LAMP1: variants seen among roughly 807,000 people sequenced by gnomAD.
The protein encoded by LAMP1 is lysosome-associated membrane glycoprotein 1.
Under a neutral mutation model 37.5 loss-of-function variants are expected in LAMP1, and 7 were observed. The ratio of observed to expected loss-of-function variants is 0.19; its 90% CI spans 0.11 to 0.35. The LOEUF (loss-of-function observed/expected upper bound fraction) is 0.35. LAMP1 is among the 10% of genes least tolerant of loss of function. The pLI, the probability that LAMP1 is intolerant of heterozygous loss-of-function variation, is 1.00. For synonymous variants in LAMP1, 236 were observed against 229.1 expected, an observed-to-expected ratio of 1.03 and a Z score of -0.27; for missense variants, 537 against 552.8, an observed-to-expected ratio of 0.97 and a Z score of 0.29.
Position 113,310,881 on chromosome 13 carries a change from C to T in LAMP1, c.562+14C>T, listed in dbSNP as rs772946635. On this transcript the variant is annotated intron_variant, in intron 4 of 8. Coordinates refer to ENST00000332556, the MANE Select transcript of LAMP1 (RefSeq NM_005561.4). ...TCAGCCGGGGAGGTAGGACGCTGAC[C>T]CTTGGCCCTCTGGTGCTAGTGGTTG... 1.9e-6 allele frequency: 3 copies of T among 1,608,874 alleles called. No individual in the cohort carries two copies. The Admixed American group carries it at 5.1e-5, about 27-fold the overall frequency.
Position 113,301,169 on chromosome 13 carries a change from C to G in LAMP1, c.61+3674C>G, listed in dbSNP as rs2042569023. 2.0e-5 allele frequency among the ~76,000 whole-genome samples: 3 copies of G among 152,084 alleles called. No homozygotes were observed. The South Asian group carries it at 6.2e-4, about 31-fold the overall frequency. ...GCAGTGGCTCTCAACCAAACATATG[C>G]ACGGATCCACACGATCAGCTTTTTA... On this transcript the variant is annotated intron_variant, in intron 1 of 8. Transcript: ENST00000332556.
At position 113,316,300 on chromosome 13, in the gene LAMP1, G is replaced by A. The variant is rs564725243; in HGVS notation, c.563-3169G>A. Among the ~76,000 whole-genome samples the A allele has an allele frequency of 7.2e-5, 11 of 152,182 alleles. No homozygotes were observed. The East Asian group carries it at 2.1e-3, about 29-fold the overall frequency. On this transcript the variant is annotated intron_variant, in intron 4 of 8. Transcript: ENST00000332556. Reference sequence around the variant, plus strand: ...TCACCGGGAGGAGTGGGGTGTCTTCGTCTTTTATCCTCAGGGTCTGATAGG... The same window carrying A: ...TCACCGGGAGGAGTGGGGTGTCTTCATCTTTTATCCTCAGGGTCTGATAGG...
chr13:113,298,254 T>G (rs1307959864), intron 1 of LAMP1, among the ~76,000 whole-genome samples: 5 of 152,110 alleles, frequency 3.3e-5, no homozygotes. Context: ...ACCCTTCTCT[T>G]CTGTCAGTTT....
rs1595466140 is a variant in LAMP1 at position 113,322,788 on chromosome 13, C to A, written c.*367C>A. The A allele has an allele frequency of 3.1e-5, 1 of 31,768 alleles. No homozygotes were observed. Among genetic ancestry groups the A allele is most frequent in the Non-Finnish European group, 5.4e-5 (1 of 18,686 alleles). The allele number at this position is 31,768 out of a possible 1,614,324, so 2.0% of individuals were successfully genotyped here. A position where few individuals can be genotyped will look rare whatever the true frequency, so the allele number is the denominator to read the frequency against. Reference sequence around the variant, plus strand: ...TCTGAGGGGGTGGGGGTGCCGCTTTCTCTGAGGGGGTGGGGGTGCCGCTCT... The same window carrying A: ...TCTGAGGGGGTGGGGGTGCCGCTTTATCTGAGGGGGTGGGGGTGCCGCTCT... On this transcript the variant is annotated 3_prime_UTR_variant, in exon 9 of 9. Transcript: ENST00000332556.
intron 1 of LAMP1, among the ~76,000 whole-genome samples, chr13:113,302,398 T>C (rs1207886764): frequency 6.7e-6 from 1 of 149,410 alleles, no homozygotes; most frequent in Non-Finnish European, 1.5e-5. Flanking sequence ...CCATGCTAGC[T>C]AGGCTAGTCT....
At chr13:113,318,647 C>A (rs1288001775) in intron 4 of LAMP1, among the ~76,000 whole-genome samples, 1 of 152,120 alleles carries the variant, frequency 6.6e-6, no homozygotes, top group African/African-American at 2.4e-5. Context: ...GACAGAGTCA[C>A]ATTCAGACTG....
chr13:113,306,674 C>G (rs1219909749), intron 2 of LAMP1, 68 bp downstream of exon 2: 1 of 1,554,280 alleles, frequency 6.4e-7, no homozygotes, highest in African/African-American at 1.4e-5. Context: ...ACATTTCAAC[C>G]AAGTCTTTGA....
chr13:113,322,103 G>A lies in LAMP1; in HGVS notation c.1115-179G>A, dbSNP rs533003159. 109 of 684,550 alleles carry A rather than the reference G, an allele frequency of 1.6e-4. No homozygotes were observed. The South Asian group carries it at 1.9e-3, about 12-fold the overall frequency. 42.4% of individuals were successfully genotyped at this position (684,550 alleles called of 1,614,324 possible). On this transcript the variant is annotated intron_variant, in intron 8 of 8. Transcript: ENST00000332556. ...GAGAGACGTGTGTGGTTTCCTCGCCGTGCAGAGAGCACCAGTCTCTGCAGC... is the reference window on the plus strand; with the variant it reads ...GAGAGACGTGTGTGGTTTCCTCGCCATGCAGAGAGCACCAGTCTCTGCAGC...
Position 113,301,858 on chromosome 13 carries a change from C to CTTTTTTTTTTTTT in LAMP1, c.61+4373_61+4385dup, listed in dbSNP as rs539321614. On this transcript the variant is annotated intron_variant, in intron 1 of 8. Transcript: ENST00000332556. ...GCCAAGAAAAACTAAGATGTGATTT[C>CTTTTTTTTTTTTT]TTTTTTTTTTTTTTTTTTTTTTGAG... Among the ~76,000 whole-genome samples, 50 of 74,316 alleles carry CTTTTTTTTTTTTT rather than the reference C, an allele frequency of 6.7e-4. 2 individuals carry two copies. Among genetic ancestry groups the CTTTTTTTTTTTTT allele is most frequent in the Admixed American group, 4.0e-3 (22 of 5,442 alleles). The allele number at this position is 74,316 out of a possible 152,430, so 48.8% of individuals were successfully genotyped here.
At position 113,319,666 on chromosome 13, in the gene LAMP1, G is replaced by A; in HGVS notation, c.750+10G>A. On this transcript the variant is annotated intron_variant, in intron 5 of 8. Coordinates refer to ENST00000332556, the MANE Select transcript of LAMP1 (RefSeq NM_005561.4). ...GAGGAAGGACAACACGGTAGGGCTG[G>A]GGCCTCACCTGGGAGAGGGGGACGG... The A allele has an allele frequency of 6.2e-7, 1 of 1,605,736 alleles. No individual in the cohort carries two copies. Among genetic ancestry groups the A allele is most frequent in the Non-Finnish European group, 8.5e-7 (1 of 1,176,780 alleles).
intron 8 of LAMP1, 179 bp from the exon 9 acceptor site, chr13:113,322,103 G>T: frequency 1.5e-6 from 1 of 684,550 alleles, no homozygotes; most frequent in Non-Finnish European, 2.4e-6. Context: ...TTTCCTCGCC[G>T]TGCAGAGAGC....
rs1424639783 is a variant in LAMP1 at position 113,322,709 on chromosome 13, TGTCTCTGAGGGGTGGGGGTG to T, written c.*289_*308del. ...CTCTCTGAGGGGGTGGGGGTGCCGC[TGTCTCTGAGGGGTGGGGGTG>T]CCGCTGTCTCTGAGGGGTGGGGGTG... On this transcript the variant is annotated 3_prime_UTR_variant, in exon 9 of 9. Transcript: ENST00000332556. 2 of 110,812 alleles carry T rather than the reference TGTCTCTGAGGGGTGGGGGTG, an allele frequency of 1.8e-5. No individual in the cohort carries two copies. Among genetic ancestry groups the T allele is most frequent in the African/African-American group, 7.6e-5 (2 of 26,476 alleles). 6.9% of individuals were successfully genotyped at this position (110,812 alleles called of 1,614,324 possible). A position where few individuals can be genotyped will look rare whatever the true frequency, so the allele number is the denominator to read the frequency against.
chr13:113,309,505 T>G (rs1268316228), intron 2 of LAMP1, 138 bp from the exon 3 acceptor site: 9 of 645,744 alleles, frequency 1.4e-5, no homozygotes, highest in Non-Finnish European at 2.4e-5. Flanking sequence ...TGGTTTATAT[T>G]AAAAATGAGT....
At position 113,309,729 on chromosome 13, in the gene LAMP1, C is replaced by T. The variant is rs1414232152; in HGVS notation, c.270C>T (p.Leu90=). Residue 90 remains leucine (L), a synonymous_variant, in exon 3 of 9, where the codon CTC becomes CTT. Coordinates refer to ENST00000332556, the MANE Select transcript of LAMP1 (RefSeq NM_005561.4). ...AAGAGAACACTTCTGACCCCAGTCT[C>T]GTGATTGCTTTTGGAAGAGGACATA... ...CGKENTSDPS[L]VIAFGRGHTL... is the part of the protein sequence containing the mutation. The T allele has an allele frequency of 4.3e-6, 7 of 1,614,056 alleles. 1 individual carries two copies. The highest frequency in any genetic ancestry group is 3.3e-5 in the South Asian group (3 of 91,094).
At chr13:113,317,738 G>C (rs892646026) in intron 4 of LAMP1, among the ~76,000 whole-genome samples, 8 of 150,234 alleles carry the variant, frequency 5.3e-5, no homozygotes. Flanking sequence ...CCAGGCTGGA[G>C]TGCAGTGGCA....
intron 1 of LAMP1, among the ~76,000 whole-genome samples, chr13:113,304,359 G>GTCTGCTGTGTCTGCCTGTCCGCTGCT (rs2042588205): frequency 6.6e-6 from 1 of 152,204 alleles, no homozygotes; most frequent in Admixed American, 6.5e-5. Context: ...AGTCTCTGGC[G>GTCTGCTGTGTCTGCCTGTCCGCTGCT]TCTGCTGTGT....
At chr13:113,312,764 C>T (rs537476908) in intron 4 of LAMP1, among the ~76,000 whole-genome samples, 8 of 152,264 alleles carry the variant, frequency 5.3e-5, no homozygotes, top group African/African-American at 1.7e-4. Flanking sequence ...ACATGGGCCG[C>T]GTGTGTCTGA....
rs2042701178 is a variant in LAMP1 at position 113,321,673 on chromosome 13, A to G, written c.1060A>G (p.Ile354Val). ...TGTCACGAAGGCGTTTTCAGTCAAT[A>G]TATTCAAAGTGTGGGTCCAGGCTTT... ...VRVTKAFSVN[I>V]FKVWVQAFKV... The change falls in exon 8 of 9, where the codon ATA becomes GTA. Residue 354 changes from isoleucine (I) to valine (V), a missense_variant. Coordinates refer to ENST00000332556, the MANE Select transcript of LAMP1 (RefSeq NM_005561.4). The surrounding 1 kb of genome is among the most constrained non-coding windows in gnomAD (Gnocchi z 5.6). 2 of 1,614,168 alleles carry G rather than the reference A, an allele frequency of 1.2e-6. No homozygotes were observed.
chr13:113,297,534 G>T lies in LAMP1; in HGVS notation c.61+39G>T. ...GGCGGGGCCTGGGAGCGGCGGGACC[G>T]GGCGGAGCCGAGGTCCCTGGGTCTT... On this transcript the variant is annotated intron_variant, in intron 1 of 8. Transcript: ENST00000332556. This position sits in a 1 kb window ranked among gnomAD's most constrained non-coding sequence, Gnocchi z 4.4. 8.1e-7 allele frequency: 1 copy of T among 1,227,322 alleles called. No individual in the cohort carries two copies. The highest frequency in any genetic ancestry group is 1.0e-6 in the Non-Finnish European group (1 of 983,350). 76.0% of individuals were successfully genotyped at this position (1,227,322 alleles called of 1,614,324 possible).
Sources: allele counts gnomAD v4.1 joint callset (sites outside exome capture counted in the v4.1 genomes callset), GRCh38; gene constraint gnomAD v4.1.1; non-coding constraint Gnocchi (gnomAD v3.1); transcripts MANE v1.5; gene names NCBI Gene and HGNC (gene_info 2026-07-23, HGNC 2026-07-21).